Variants in MYOCD observed in about 807,000 individuals in gnomAD.
The protein encoded by MYOCD is myocardin.
MYOCD carries 32 observed loss-of-function variants against 96.1 expected under a neutral mutation model. That is an observed-to-expected ratio of 0.33 (90% CI 0.25 to 0.45). The LOEUF is 0.45. Ranked by LOEUF, MYOCD falls within the 20% of genes least tolerant of loss-of-function variation. The pLI is 1.00. For missense variants in MYOCD, 1,133 were observed against 1,200.6 expected, an observed-to-expected ratio of 0.94 and a Z score of 0.83; for synonymous variants, 469 against 469.0, an observed-to-expected ratio of 1.00 and a Z score of 0.00.
chr17:12,728,001 C>T (rs935815012), intron 5 of MYOCD, among the ~76,000 whole-genome samples: 10 of 152,178 alleles, frequency 6.6e-5, no homozygotes, highest in East Asian at 1.9e-4. Context: ...TGGTCCTCCT[C>T]GGGGCTGTAT....
chr17:12,749,388 G>C (rs1188803372), intron 9 of MYOCD, among the ~76,000 whole-genome samples: 1 of 151,846 alleles, frequency 6.6e-6, no homozygotes, highest in East Asian at 1.9e-4. Flanking sequence ...AATTAGCCGG[G>C]TGTGGTGGTG....
At chr17:12,713,705 G>A (rs1314128266) in intron 2 of MYOCD, among the ~76,000 whole-genome samples, 2 of 152,058 alleles carry the variant, frequency 1.3e-5, no homozygotes, top group Admixed American at 1.3e-4. Flanking sequence ...GTTGCTTAGG[G>A]GGAAAGGGAG....
chr17:12,714,212 T>G (rs953464613), intron 2 of MYOCD, among the ~76,000 whole-genome samples: 6 of 151,982 alleles, frequency 3.9e-5, no homozygotes, highest in African/African-American at 1.2e-4. Context: ...TATGGCCAAC[T>G]ACCATTATGG....
At chr17:12,760,626 C>T (rs768335343) in intron 12 of MYOCD, 24 bp from the exon 13 acceptor site, 2 of 1,601,918 alleles carry the variant, frequency 1.2e-6, no homozygotes, top group African/African-American at 1.3e-5. Flanking sequence ...AATTGTCTGT[C>T]CTCCTTTGGT....
intron 1 of MYOCD, among the ~76,000 whole-genome samples, chr17:12,693,144 C>A (rs1417777771): frequency 6.6e-6 from 1 of 152,086 alleles, no homozygotes; most frequent in African/African-American, 2.4e-5. Context: ...AGGCTTCACA[C>A]CTATTCTATG....
chr17:12,760,414 C>A, intron 12 of MYOCD: 1 of 480,438 alleles, frequency 2.1e-6, no homozygotes, highest in East Asian at 3.5e-5. Context: ...GAAAAGAATT[C>A]TGAAGACAGA....
chr17:12,720,621 A>G (rs909271946), intron 4 of MYOCD, among the ~76,000 whole-genome samples: 11 of 152,190 alleles, frequency 7.2e-5, no homozygotes, highest in African/African-American at 2.4e-4. Context: ...AAGAAAAATT[A>G]TATACTTATT....
Position 12,767,934 on chromosome 17 carries a change from A to G in MYOCD, c.*4290A>G, listed in dbSNP as rs2033383835. 1 of 152,138 alleles carries G rather than the reference A, an allele frequency of 6.6e-6. No individual in the cohort carries two copies. Among genetic ancestry groups the G allele is most frequent in the Admixed American group, 6.5e-5 (1 of 15,274 alleles). 9.4% of individuals were successfully genotyped at this position (152,138 alleles called of 1,614,324 possible). On this transcript the variant is annotated 3_prime_UTR_variant, in exon 14 of 14. Transcript: ENST00000425538. Reference sequence around the variant, plus strand: ...GGTGAGCCTCTGGCCCTTAAAAGAAAATCATCTAAGAATATGAAGGCAATT... The same window carrying G: ...GGTGAGCCTCTGGCCCTTAAAAGAAGATCATCTAAGAATATGAAGGCAATT...
intron 1 of MYOCD, among the ~76,000 whole-genome samples, chr17:12,669,015 G>T (rs1163319241): frequency 1.3e-5 from 2 of 152,166 alleles, no homozygotes; most frequent in African/African-American, 4.8e-5. Flanking sequence ...CATAAAGATT[G>T]ACTGGGAACA....
chr17:12,723,862 G>A (rs2031919811), intron 5 of MYOCD, among the ~76,000 whole-genome samples: 1 of 152,112 alleles, frequency 6.6e-6, no homozygotes, highest in African/African-American at 2.4e-5. Flanking sequence ...AGGTGTAAGG[G>A]CATTTTATCC....
At chr17:12,697,724 A>G (rs2030847150) in intron 1 of MYOCD, among the ~76,000 whole-genome samples, 1 of 152,126 alleles carries the variant, frequency 6.6e-6, no homozygotes, top group Non-Finnish European at 1.5e-5. Flanking sequence ...TGCCATCTTG[A>G]AACAGAAAAC....
intron 12 of MYOCD, chr17:12,760,229 A>G (rs2150727928): frequency 5.1e-6 from 1 of 194,626 alleles, no homozygotes; most frequent in East Asian, 1.2e-4. Flanking sequence ...CATTACGCTT[A>G]GGGAAATAAG....
intron 13 of MYOCD, 120 bp from the exon 14 acceptor site, chr17:12,762,953 G>A (rs994073321): frequency 2.7e-6 from 2 of 748,428 alleles, no homozygotes; most frequent in South Asian, 3.6e-5. Context: ...GATGAGACTG[G>A]GTGGTGAGCG....
chr17:12,705,391 A>G (rs567508917), intron 2 of MYOCD, 198 bp downstream of exon 2: 17 of 487,740 alleles, frequency 3.5e-5, no homozygotes, highest in Admixed American at 2.0e-4. Flanking sequence ...GGCTCCTTTT[A>G]ATGATACTGG....
rs1003696494 is a variant in MYOCD at position 12,768,675 on chromosome 17, A to G, written c.*5031A>G. ...GGCCCTGCAGTAAGAACGGAGGACA[A>G]TGTATTGCTGGGTGCTTAAAATCCT... On this transcript the variant is annotated 3_prime_UTR_variant, in exon 14 of 14. Transcript: ENST00000425538. The G allele has an allele frequency of 6.6e-6, 1 of 152,104 alleles. No homozygotes were observed. Among genetic ancestry groups the G allele is most frequent in the African/African-American group, 2.4e-5 (1 of 41,426 alleles). The allele number at this position is 152,104 out of a possible 1,614,324, so 9.4% of individuals were successfully genotyped here.
At chr17:12,705,225 A>G (rs763074714) in intron 2 of MYOCD, 32 bp downstream of exon 2, 27 of 1,492,706 alleles carry the variant, frequency 1.8e-5, no homozygotes, top group African/African-American at 2.8e-5. Flanking sequence ...TTACTGATAT[A>G]CATAGGGCCA....
intron 1 of MYOCD, among the ~76,000 whole-genome samples, chr17:12,697,031 C>T (rs955325005): frequency 1.3e-5 from 2 of 152,012 alleles, no homozygotes; most frequent in Non-Finnish European, 2.9e-5. Context: ...TGCTACCACT[C>T]GAAGACCTGC....
At chr17:12,711,126 G>A (rs560333970) in intron 2 of MYOCD, among the ~76,000 whole-genome samples, 2 of 152,204 alleles carry the variant, frequency 1.3e-5, no homozygotes, top group African/African-American at 4.8e-5. Context: ...TTGGAGTACT[G>A]AACTAGCAAT....
chr17:12,709,937 G>T (rs139517566), intron 2 of MYOCD, among the ~76,000 whole-genome samples: 257 of 152,260 alleles, frequency 1.7e-3, no homozygotes, highest in African/African-American at 5.9e-3. Flanking sequence ...ACTTAGTGTG[G>T]AAAGATGACC....
Sources: gnomAD v4.1 joint callset for allele counts (sites outside exome capture counted in the v4.1 genomes callset) on GRCh38, gnomAD v4.1.1 for gene constraint, MANE v1.5 for transcripts, NCBI Gene and HGNC (gene_info 2026-07-23, HGNC 2026-07-21) for gene names.